The following PRKG2 variants were observed in gnomAD, a reference collection of about 807,000 sequenced individuals.
The protein encoded by PRKG2 is protein kinase cGMP-dependent 2.
In PRKG2, 33 loss-of-function variants were observed where a neutral mutation model predicts 97.2. The ratio of observed to expected loss-of-function variants is 0.34; its 90% CI spans 0.26 to 0.45. The LOEUF is 0.45. Ranked by LOEUF, PRKG2 falls within the 20% of genes least tolerant of loss-of-function variation. The pLI is 1.00. For synonymous variants in PRKG2, 330 were observed against 321.8 expected (o/e 1.03, Z -0.27); for missense variants, 638 against 900.0 (o/e 0.71, Z 3.73).
chr4:81,158,630 G>T (rs1028672490), intron 6 of PRKG2, among the ~76,000 whole-genome samples: 2 of 151,958 alleles, frequency 1.3e-5, no homozygotes, highest in Admixed American at 1.3e-4. Context: ...AAAAGAGCCC[G>T]CATCACCAAG....
chr4:81,203,925 G>A (rs915445073), intron 2 of PRKG2, among the ~76,000 whole-genome samples: 1 of 152,034 alleles, frequency 6.6e-6, no homozygotes, highest in African/African-American at 2.4e-5. Context: ...TGCTTCTGTT[G>A]TCTCCCTGAC....
chr4:81,202,601 G>T (rs1057151077), intron 2 of PRKG2, among the ~76,000 whole-genome samples: 3 of 152,060 alleles, frequency 2.0e-5, no homozygotes, highest in Non-Finnish European at 4.4e-5. Flanking sequence ...TATCCACTTG[G>T]CTTGCCTTTA....
chr4:81,113,122 C>A (rs1470115366), intron 14 of PRKG2, among the ~76,000 whole-genome samples: 1 of 152,122 alleles, frequency 6.6e-6, no homozygotes, highest in Non-Finnish European at 1.5e-5. Context: ...GCAAGAAGGC[C>A]AGCGTGGCTG....
At chr4:81,099,012 C>T (rs1246202378) in intron 17 of PRKG2, among the ~76,000 whole-genome samples, 2 of 152,030 alleles carry the variant, frequency 1.3e-5, no homozygotes, top group African/African-American at 4.8e-5. Context: ...ACAAGGTATG[C>T]CTGAACCTGA....
Position 81,152,012 on chromosome 4 carries a change from G to A in PRKG2, c.1033C>T (p.Leu345=). The A allele has an allele frequency of 6.2e-6, 10 of 1,613,228 alleles. No homozygotes were observed. The highest frequency in any genetic ancestry group is 8.5e-6 in the Non-Finnish European group (10 of 1,179,554). The part of the protein sequence containing the change: ...QSTEGHDQPQ[L]IKTLQKGEYF... ...TCTCCTTTCTGCAGTGTTTTTATCAGCTGTGGTTGATCATGGCCTTCTGTG... is the reference window on the plus strand; with the variant it reads ...TCTCCTTTCTGCAGTGTTTTTATCAACTGTGGTTGATCATGGCCTTCTGTG... The change falls in exon 8 of 19, where the codon CTG becomes TTG. Residue 345 remains leucine, a synonymous_variant. Coordinates refer to ENST00000264399, the MANE Select transcript of PRKG2 (RefSeq NM_006259.3).
At chr4:81,166,882 G>C (rs1454425675) in intron 6 of PRKG2, among the ~76,000 whole-genome samples, 2 of 152,070 alleles carry the variant, frequency 1.3e-5, no homozygotes, top group African/African-American at 4.8e-5. Flanking sequence ...GAGTAAGGCA[G>C]GTTTGTTTTA....
At chr4:81,204,219 C>T (rs1560627564) in intron 2 of PRKG2, among the ~76,000 whole-genome samples, 1 of 139,794 alleles carries the variant, frequency 7.2e-6, no homozygotes, top group Non-Finnish European at 1.6e-5. Context: ...ATGTGACTCT[C>T]TTTTTTTTTT....
At chr4:81,139,276 C>A (rs1747016850) in intron 12 of PRKG2, among the ~76,000 whole-genome samples, 1 of 152,140 alleles carries the variant, frequency 6.6e-6, no homozygotes, top group African/African-American at 2.4e-5. Flanking sequence ...CTGCCTTCTG[C>A]AGAAATTCAA....
intron 1 of PRKG2, among the ~76,000 whole-genome samples, chr4:81,213,096 C>T (rs1754089945): frequency 6.6e-6 from 1 of 152,146 alleles, no homozygotes. Context: ...GGAGAATGAG[C>T]ATGCTTTGAA....
intron 5 of PRKG2, among the ~76,000 whole-genome samples, chr4:81,169,206 T>A (rs529944218): frequency 3.7e-4 from 56 of 152,198 alleles, no homozygotes; most frequent in Non-Finnish European, 4.9e-4. Flanking sequence ...AATAGTAATT[T>A]GGAAGATGGC....
At chr4:81,115,480 A>AGTT (rs1386326112) in intron 14 of PRKG2, among the ~76,000 whole-genome samples, 1 of 152,204 alleles carries the variant, frequency 6.6e-6, no homozygotes, top group Non-Finnish European at 1.5e-5. Flanking sequence ...TTTTAGAATC[A>AGTT]GTTTGCCAAG....
intron 17 of PRKG2, among the ~76,000 whole-genome samples, chr4:81,096,835 C>T (rs1263898197): frequency 6.6e-6 from 1 of 152,134 alleles, no homozygotes; most frequent in Non-Finnish European, 1.5e-5. Flanking sequence ...TTACTTTCTC[C>T]AATTAAGTCT....
chr4:81,148,849 C>A (rs2110052447), intron 9 of PRKG2, 35 bp downstream of exon 9: 1 of 1,587,058 alleles, frequency 6.3e-7, no homozygotes, highest in South Asian at 1.1e-5. Flanking sequence ...TCAAAGGTGG[C>A]AGTGGCCTGC....
rs1383742417 is a variant in PRKG2, at chr4:81,142,919, T to G, written c.1282A>C (p.Lys428Gln). The change falls in exon 11 of 19, where the codon AAA becomes CAA. Residue 428 changes from lysine (K) to glutamine (Q), a missense_variant. By Grantham distance (53) the Lys-to-Gln change is moderately conservative. This residue lies in a region of PRKG2 where 304 missense variants were observed against 460.5 expected (regional missense o/e 0.66). Transcript: ENST00000264399. Reference protein sequence around the residue: ...KRSMSNWKLSKALSLEMIQLK... With the variant: ...KRSMSNWKLSQALSLEMIQLK... The stretch of plus-strand genomic sequence containing the variant: ...TGAATCATTTCCAGAGAGAGTGCTT[T>G]GGACAGCTTCCAGTTAGACATGGAC... 6.2e-7 allele frequency: 1 copy of G among 1,612,498 alleles called. No homozygotes were observed. The highest frequency in any genetic ancestry group is 2.2e-5 in the East Asian group (1 of 44,880).
At chr4:81,158,636 C>T (rs979173006) in intron 6 of PRKG2, among the ~76,000 whole-genome samples, 1 of 152,072 alleles carries the variant, frequency 6.6e-6, no homozygotes, top group Non-Finnish European at 1.5e-5. Flanking sequence ...GCCCGCATCA[C>T]CAAGTCAATC....
In PRKG2 at chr4:81,153,673, T is replaced by C; in HGVS notation, c.961A>G (p.Ser321Gly). 6.2e-7 allele frequency: 1 copy of C among 1,603,514 alleles called. No individual in the cohort carries two copies. Among genetic ancestry groups the C allele is most frequent in the Non-Finnish European group, 8.5e-7 (1 of 1,170,370 alleles). ...CCTTTTGCCAAAATGAAAAAGGTAC[T>C]TCCTTCCTCGCCCTCTCTAATGATG... ...DYIIREGEEGSTFFILAKGKV... is the reference protein window; with the variant it reads ...DYIIREGEEGGTFFILAKGKV... Residue 321 changes from serine to glycine, a missense_variant, in exon 7 of 19, where the codon AGT becomes GGT. Physicochemically the swap from Ser to Gly is moderately conservative, Grantham distance 56 (BLOSUM62 0). Transcript: ENST00000264399.
rs970820756 is a variant in PRKG2, at chr4:81,211,203, G to A, written c.-14+3733C>T. On this transcript the variant is annotated intron_variant, in intron 1 of 18. Transcript: ENST00000264399. ...GTAAACTATGGACTTTAATAATAAT[G>A]CATCAATATTTGTTCCATCACTTGT... Among the ~76,000 whole-genome samples the A allele has an allele frequency of 2.0e-5, 3 of 152,174 alleles. No homozygotes were observed. The South Asian group carries it at 6.2e-4, about 32-fold the overall frequency.
chr4:81,200,120 A>G (rs1454167872), intron 2 of PRKG2, among the ~76,000 whole-genome samples: 1 of 152,208 alleles, frequency 6.6e-6, no homozygotes, highest in Non-Finnish European at 1.5e-5. Context: ...ATATCTACAT[A>G]AACAGAAAAG....
intron 18 of PRKG2, among the ~76,000 whole-genome samples, chr4:81,090,079 C>T (rs1741393771): frequency 6.6e-6 from 1 of 152,106 alleles, no homozygotes; most frequent in African/African-American, 2.4e-5. Context: ...AGAAATAGGC[C>T]AGGCGCTGTG....
Sources: gnomAD v4.1 joint callset for allele counts (sites outside exome capture counted in the v4.1 genomes callset) on GRCh38, gnomAD v4.1.1 for gene constraint, gnomAD v4.1.1 regional missense constraint, MANE v1.5 for transcripts, NCBI Gene and HGNC (gene_info 2026-07-23, HGNC 2026-07-21) for gene names.